The following ELMO1 variants were observed in gnomAD, a reference collection of about 807,000 sequenced individuals.
The protein encoded by ELMO1 is engulfment and cell motility 1, also known as engulfment and cell motility protein 1.
In ELMO1, 26 loss-of-function variants were observed where a neutral mutation model predicts 98.9. The ratio of observed to expected loss-of-function variants is 0.26; its 90% CI spans 0.19 to 0.36. The LOEUF (loss-of-function observed/expected upper bound fraction) is 0.36, where lower values mean the gene tolerates loss of function less well. ELMO1 is among the 10% of genes least tolerant of loss of function. The pLI, the probability that ELMO1 is intolerant of heterozygous loss-of-function variation, is 1.00. For synonymous variants in ELMO1, 346 were observed against 346.0 expected (o/e 1.00, Z 0.00); for missense variants, 627 against 935.2 (o/e 0.67, Z 4.30).
chr7:37,089,366 A>C (rs1783950649), intron 15 of ELMO1, among the ~76,000 whole-genome samples: 2 of 152,224 alleles, frequency 1.3e-5, no homozygotes, highest in Admixed American at 1.3e-4. Flanking sequence ...TTAAAAAAAA[A>C]CCCAGAGCAG....
rs1231380774 is a variant in ELMO1, at chr7:37,398,554, T to C, written c.-74+50121A>G. On this transcript the variant is annotated intron_variant, in intron 1 of 21. Transcript: ENST00000310758. Reference sequence around the variant, plus strand: ...TTCCTGATGTTAGATTCCTGGACACTTGAAACAAAAGTCAACCTTTCTATG... The same window carrying C: ...TTCCTGATGTTAGATTCCTGGACACCTGAAACAAAAGTCAACCTTTCTATG... Among the ~76,000 whole-genome samples the C allele has an allele frequency of 2.6e-5, 4 of 152,348 alleles. No homozygotes were observed. In the South Asian group the frequency reaches 6.2e-4, roughly 24 times the overall value.
intron 1 of ELMO1, among the ~76,000 whole-genome samples, chr7:37,441,858 G>T (rs1230163610): frequency 1.3e-5 from 2 of 152,196 alleles, no homozygotes; most frequent in Non-Finnish European, 2.9e-5. Context: ...GAAACTTGGA[G>T]AGCTGGAGGA....
At chr7:36,989,274 C>A (rs935279715) in intron 16 of ELMO1, among the ~76,000 whole-genome samples, 2 of 152,146 alleles carry the variant, frequency 1.3e-5, no homozygotes, top group East Asian at 1.9e-4. Context: ...ACAACAACAA[C>A]AAAAAAGTAG....
intron 17 of ELMO1, among the ~76,000 whole-genome samples, chr7:36,891,282 C>T (rs1224168073): frequency 6.6e-6 from 1 of 152,190 alleles, no homozygotes; most frequent in Non-Finnish European, 1.5e-5. Context: ...AGAATAGTGT[C>T]TGGCACGTGG....
At chr7:37,037,307 G>GTT (rs1562913764) in intron 15 of ELMO1, among the ~76,000 whole-genome samples, 2 of 152,236 alleles carry the variant, frequency 1.3e-5, no homozygotes, top group Non-Finnish European at 2.9e-5. Context: ...GTTGTTCTGT[G>GTT]ATTTTCAATA....
rs768361701 is a variant in ELMO1, at chr7:37,271,858, T to A, written c.217A>T (p.Thr73Ser). The change falls in exon 5 of 22, where the codon ACT becomes TCT. Residue 73 changes from threonine to serine, a missense_variant. Physicochemically the swap from Thr to Ser is moderately conservative, Grantham distance 58. Coordinates refer to ENST00000310758, the MANE Select transcript of ELMO1 (RefSeq NM_014800.11). ...GGAGATGTGGTTAATCGAAGGATAG[T>A]GCCATTTTTTATCTCATTGCGGTTC... Reference protein sequence around the residue: ...EKNRNEIKNGTILRLTTSPAQ... With the variant: ...EKNRNEIKNGSILRLTTSPAQ... 2 of 1,614,014 alleles carry A rather than the reference T, an allele frequency of 1.2e-6. No individual in the cohort carries two copies. Among genetic ancestry groups the A allele is most frequent in the Non-Finnish European group, 1.7e-6 (2 of 1,179,988 alleles).
chr7:36,963,353 G>A (rs1350975672), intron 16 of ELMO1, among the ~76,000 whole-genome samples: 2 of 151,532 alleles, frequency 1.3e-5, no homozygotes, highest in Admixed American at 1.3e-4. Flanking sequence ...ACTCCAGCCT[G>A]GTGACAGTGC....
intron 16 of ELMO1, among the ~76,000 whole-genome samples, chr7:36,983,150 G>A (rs1238666250): frequency 6.6e-6 from 1 of 152,180 alleles, no homozygotes; most frequent in Non-Finnish European, 1.5e-5. Flanking sequence ...CTGGTGACCT[G>A]TCACCTCTCC....
intron 13 of ELMO1, 38 bp from the exon 14 acceptor site, chr7:37,133,272 C>T (rs1787048191): frequency 6.5e-7 from 1 of 1,543,142 alleles, no homozygotes; most frequent in Admixed American, 1.7e-5. Context: ...GTGAATTCTT[C>T]AGCAGATTTT....
intron 16 of ELMO1, among the ~76,000 whole-genome samples, chr7:36,960,254 T>C (rs1000516835): frequency 6.6e-6 from 1 of 152,174 alleles, no homozygotes; most frequent in African/African-American, 2.4e-5. Flanking sequence ...CTACTGTCAG[T>C]TGATGACAGC....
intron 1 of ELMO1, among the ~76,000 whole-genome samples, chr7:37,391,044 C>T (rs1280287314): frequency 6.6e-6 from 1 of 150,838 alleles, no homozygotes; most frequent in South Asian, 2.1e-4. Context: ...TCCTTCCTTC[C>T]TTCCTTCCTT....
chr7:37,104,121 A>C (rs992942405), intron 14 of ELMO1, among the ~76,000 whole-genome samples: 2 of 150,374 alleles, frequency 1.3e-5, no homozygotes, highest in Admixed American at 6.7e-5. Flanking sequence ...GACAACTTCC[A>C]GTTTGGAAAT....
intron 1 of ELMO1, among the ~76,000 whole-genome samples, chr7:37,430,777 CA>C (rs1804901273): frequency 6.6e-6 from 1 of 152,232 alleles, no homozygotes; most frequent in African/African-American, 2.4e-5. Context: ...TTTATCTTGA[CA>C]ACCACACACT....
intron 14 of ELMO1, among the ~76,000 whole-genome samples, chr7:37,112,980 T>C (rs747233062): frequency 2.6e-5 from 4 of 152,206 alleles, no homozygotes; most frequent in Admixed American, 1.3e-4. Context: ...TGAATCCTAT[T>C]CAAAAAGGGA....
At chr7:37,033,121 T>C (rs1480762198) in intron 15 of ELMO1, among the ~76,000 whole-genome samples, 1 of 152,174 alleles carries the variant, frequency 6.6e-6, no homozygotes, top group Non-Finnish European at 1.5e-5. Flanking sequence ...CCACATTCCA[T>C]AATCGCTGTC....
chr7:37,394,175 G>T (rs1201519245), intron 1 of ELMO1, among the ~76,000 whole-genome samples: 1 of 152,136 alleles, frequency 6.6e-6, no homozygotes, highest in African/African-American at 2.4e-5. Context: ...AGGAGAGAAT[G>T]GTCTCTCACA....
chr7:36,940,496 G>C (rs866903649), intron 16 of ELMO1, among the ~76,000 whole-genome samples: 1 of 152,206 alleles, frequency 6.6e-6, no homozygotes, highest in African/African-American at 2.4e-5. Flanking sequence ...ACAGGCTTGG[G>C]CAAGATACAA....
intron 1 of ELMO1, chr7:37,429,578 G>T (rs1451733328): frequency 6.6e-6 from 1 of 152,292 alleles, no homozygotes; most frequent in East Asian, 1.9e-4. Flanking sequence ...GCAGAGCACA[G>T]AGGATGCACA....
chr7:37,038,919 C>T lies in ELMO1; in HGVS notation c.1301-25484G>A, dbSNP rs149830228. ...AAGGGCACTAATCCCATTATGAGGG[C>T]CCCACCCTTGTGAACTCATCTAAAC... is the stretch of plus-strand genomic sequence containing the variant. On this transcript the variant is annotated intron_variant, in intron 15 of 21. Transcript: ENST00000310758. Among the ~76,000 whole-genome samples, 1,359 of 152,214 alleles carry T rather than the reference C, an allele frequency of 8.9e-3. 6 individuals carry two copies. The highest frequency in any genetic ancestry group is 0.014 in the Middle Eastern group (4 of 294).
Sources: allele counts gnomAD v4.1 joint callset (sites outside exome capture counted in the v4.1 genomes callset), GRCh38; gene constraint gnomAD v4.1.1; transcripts MANE v1.5; gene names NCBI Gene and HGNC (gene_info 2026-07-23, HGNC 2026-07-21).